VEGFD: variants seen among roughly 807,000 people sequenced by gnomAD.
The protein encoded by VEGFD is vascular endothelial growth factor D.
Under a neutral mutation model 28.0 loss-of-function variants are expected in VEGFD, and 26 were observed. That is an observed-to-expected ratio of 0.93 (90% confidence interval 0.68 to 1.29). The LOEUF (loss-of-function observed/expected upper bound fraction) is 1.29. Among genes scored for constraint, VEGFD ranks in the 50% most tolerant of loss-of-function variants. VEGFD has a pLI of 0.00. For synonymous variants in VEGFD, 93 were observed against 95.5 expected, an observed-to-expected ratio of 0.97 and a Z score of 0.15; for missense variants, 294 against 273.4, an observed-to-expected ratio of 1.08 and a Z score of -0.53.
In VEGFD at chrX:15,353,127, C is replaced by A; in HGVS notation, c.683G>T (p.Trp228Leu). 1 of 1,181,525 alleles carries A rather than the reference C, an allele frequency of 8.5e-7. No homozygotes were observed. The highest frequency in any genetic ancestry group is 1.8e-5 in the South Asian group (1 of 54,296). ...SKKLCPIDMLWDSNKCKCVLQ... is the reference protein window; with the variant it reads ...SKKLCPIDMLLDSNKCKCVLQ... Reference sequence around the variant, plus strand: ...AACACATTTACATTTGTTGCTATCCCATAGCATGTCAATAGGACAGAGTTT... The same window carrying A: ...AACACATTTACATTTGTTGCTATCCAATAGCATGTCAATAGGACAGAGTTT... The change falls in exon 5 of 7, where the codon TGG becomes TTG. Residue 228 changes from tryptophan to leucine, a missense_variant. Physicochemically the swap from Trp to Leu is moderately conservative, Grantham distance 61. Transcript: ENST00000297904.
chrX:15,377,578 A>G (rs1473952826), intron 1 of VEGFD, among the ~76,000 whole-genome samples: 1 of 112,317 alleles, frequency 8.9e-6, no homozygotes, highest in East Asian at 2.8e-4. Context: ...GAAGTCACCA[A>G]TGTGAAGAAC....
chrX:15,368,048 AAG>A (rs1207092791), intron 1 of VEGFD, among the ~76,000 whole-genome samples: 1 of 102,732 alleles, frequency 9.7e-6, no homozygotes, highest in Non-Finnish European at 2.0e-5. Context: ...GAAAGAAAGA[AAG>A]AAGAAAGAAA....
chrX:15,370,625 T>C (rs928033673), intron 1 of VEGFD, among the ~76,000 whole-genome samples: 14 of 111,938 alleles, frequency 1.3e-4, no homozygotes, highest in Non-Finnish European at 1.1e-4. Flanking sequence ...TACATGTATC[T>C]GACAAATAGC....
At chrX:15,358,780 C>T (rs12858267) in intron 2 of VEGFD, among the ~76,000 whole-genome samples, 5,550 of 111,508 alleles carry the variant, frequency 0.05, 133 homozygotes, top group South Asian at 0.11. Context: ...ATGAAATAAG[C>T]CTGTTCTTAT....
At chrX:15,361,439 T>A (rs1923010242) in intron 2 of VEGFD, among the ~76,000 whole-genome samples, 1 of 111,858 alleles carries the variant, frequency 8.9e-6, no homozygotes, top group African/African-American at 3.3e-5. Context: ...AGACACACAG[T>A]CATACACATG....
At chrX:15,361,542 G>A (rs1006194351) in intron 2 of VEGFD, among the ~76,000 whole-genome samples, 3 of 111,957 alleles carry the variant, frequency 2.7e-5, no homozygotes, top group Admixed American at 1.9e-4. Context: ...CAACAACAGA[G>A]GTCTGTGCAA....
At chrX:15,365,556 T>C (rs1483342770) in intron 1 of VEGFD, among the ~76,000 whole-genome samples, 2 of 112,420 alleles carry the variant, frequency 1.8e-5, no homozygotes, top group Non-Finnish European at 3.8e-5. Context: ...ATTCATTTAC[T>C]TATTGTCTAC....
chrX:15,356,981 T>G (rs1375773974), intron 3 of VEGFD, among the ~76,000 whole-genome samples: 3 of 112,214 alleles, frequency 2.7e-5, no homozygotes, highest in South Asian at 7.2e-4. Flanking sequence ...CTTTTTGCAG[T>G]TAAAAGGAGA....
chrX:15,355,626 A>T (rs1278158593), intron 3 of VEGFD, among the ~76,000 whole-genome samples: 2 of 112,461 alleles, frequency 1.8e-5, no homozygotes, highest in Non-Finnish European at 3.7e-5. Context: ...TATTATTCAA[A>T]CTATTTATTC....
chrX:15,365,960 A>G (rs750739752), intron 1 of VEGFD, among the ~76,000 whole-genome samples: 2 of 110,818 alleles, frequency 1.8e-5, no homozygotes, highest in Non-Finnish European at 3.8e-5. Flanking sequence ...TCTTCTTCCT[A>G]TCTACTTTCT....
chrX:15,351,659 C>A (rs1481953273), intron 5 of VEGFD, among the ~76,000 whole-genome samples: 9 of 111,999 alleles, frequency 8.0e-5, no homozygotes, highest in Non-Finnish European at 1.5e-4. Flanking sequence ...TAGCTATGGG[C>A]CATATGTGAC....
chrX:15,351,323 T>G (rs1276570283), intron 5 of VEGFD, among the ~76,000 whole-genome samples: 5 of 105,430 alleles, frequency 4.7e-5, no homozygotes, highest in South Asian at 4.3e-4. Context: ...GTTTCACCGT[T>G]TTAGCCAGGA....
At position 15,353,501 on chromosome X, in the gene VEGFD, A is replaced by G. The variant is rs761589004; in HGVS notation, c.642-333T>C. On this transcript the variant is annotated intron_variant, in intron 4 of 6. Coordinates refer to ENST00000297904, the MANE Select transcript of VEGFD (RefSeq NM_004469.5). ...ACGCCTGTAATCCCAGCACTTTGGG[A>G]GTCCGAGGCGGGCAGATCACCTGAG... Among the ~76,000 whole-genome samples the G allele has an allele frequency of 1.3e-4, 15 of 112,626 alleles. No homozygotes were observed. In the South Asian group the frequency reaches 1.5e-3, roughly 11 times the overall value.
chrX:15,383,807 T>C (rs769951380), intron 1 of VEGFD, 50 bp downstream of exon 1: 5 of 963,022 alleles, frequency 5.2e-6, no homozygotes, highest in African/African-American at 3.8e-5. Context: ...AAGTCCTCTG[T>C]ATGAGCCAAT....
chrX:15,361,815 C>T (rs1923018772), intron 2 of VEGFD, among the ~76,000 whole-genome samples: 1 of 111,135 alleles, frequency 9.0e-6, no homozygotes, highest in African/African-American at 3.3e-5. Context: ...ATGACAGTAC[C>T]TACTCACACT....
intron 2 of VEGFD, among the ~76,000 whole-genome samples, chrX:15,362,383 A>T (rs770103374): frequency 1.9e-5 from 2 of 106,339 alleles, no homozygotes; most frequent in South Asian, 4.1e-4. Context: ...TTGCAGAAAT[A>T]AAAAAAAAAG....
At chrX:15,373,936 C>A (rs1439679905) in intron 1 of VEGFD, among the ~76,000 whole-genome samples, 2 of 111,356 alleles carry the variant, frequency 1.8e-5, no homozygotes, top group African/African-American at 6.5e-5. Flanking sequence ...CTCCCTCCCC[C>A]ACCTGTCGAG....
At chrX:15,356,961 T>C (rs904780192) in intron 3 of VEGFD, among the ~76,000 whole-genome samples, 1 of 112,392 alleles carries the variant, frequency 8.9e-6, no homozygotes, top group Non-Finnish European at 1.9e-5. Context: ...GTAATTTTCT[T>C]GTACTACCTC....
chrX:15,359,684 G>T (rs190972810), intron 2 of VEGFD, among the ~76,000 whole-genome samples: 2 of 111,256 alleles, frequency 1.8e-5, no homozygotes, highest in Admixed American at 1.9e-4. Context: ...CGCCATGTTA[G>T]AAAGGTCCAC....
Sources: gnomAD v4.1 joint callset for allele counts (sites outside exome capture counted in the v4.1 genomes callset) on GRCh38, gnomAD v4.1.1 for gene constraint, MANE v1.5 for transcripts, NCBI Gene and HGNC (gene_info 2026-07-23, HGNC 2026-07-21) for gene names.